Variants in RBFOX1 observed in about 807,000 individuals in gnomAD.
RBFOX1 encodes the protein RNA binding fox-1 homolog 1, also known as RNA binding protein fox-1 homolog 1.
Under a neutral mutation model 57.7 loss-of-function variants are expected in RBFOX1, and 8 were observed. The observed-to-expected ratio is 0.14, with a 90% CI of 0.08 to 0.25. The LOEUF (loss-of-function observed/expected upper bound fraction) is 0.25, where lower values mean the gene tolerates loss of function less well. Among genes scored for constraint, RBFOX1 ranks in the 10% least tolerant of loss-of-function variants. The probability of loss-of-function intolerance (pLI) is 1.00; values close to 1 mark genes in which losing one functional copy is unlikely to be tolerated. For missense variants in RBFOX1, 611 were observed against 548.5 expected (o/e 1.11, Z -1.14); for synonymous variants, 326 against 222.4 (o/e 1.47, Z -4.15).
intron 3 of RBFOX1, among the ~76,000 whole-genome samples, chr16:5,683,846 T>C (rs1003704652): frequency 6.7e-6 from 1 of 149,796 alleles, no homozygotes; most frequent in Non-Finnish European, 1.5e-5. Context: ...ATGTAAATTA[T>C]GTATTACATA....
At chr16:5,961,127 C>G (rs1449421852) in intron 4 of RBFOX1, among the ~76,000 whole-genome samples, 1 of 152,106 alleles carries the variant, frequency 6.6e-6, no homozygotes, top group Non-Finnish European at 1.5e-5. Flanking sequence ...CAGAAATATC[C>G]ATTCCCTTCT....
chr16:7,161,933 G>A (rs1477860646), intron 4 of RBFOX1, among the ~76,000 whole-genome samples: 3 of 152,202 alleles, frequency 2.0e-5, no homozygotes, highest in Non-Finnish European at 2.9e-5. Context: ...AGGTTTTGGG[G>A]TTACCCAAGT....
At chr16:7,694,230 A>G (rs546188003) in intron 14 of RBFOX1, among the ~76,000 whole-genome samples, 1 of 152,340 alleles carries the variant, frequency 6.6e-6, no homozygotes, top group Admixed American at 6.5e-5. Flanking sequence ...GTTACAACTT[A>G]TCACTACATA....
intron 1 of RBFOX1, among the ~76,000 whole-genome samples, chr16:6,282,108 C>T (rs2076439660): frequency 6.6e-6 from 1 of 152,112 alleles, no homozygotes; most frequent in East Asian, 1.9e-4. Context: ...AAAGGTATCA[C>T]CTCTAAGTTT....
At chr16:6,909,373 T>A (rs1192643499) in intron 3 of RBFOX1, among the ~76,000 whole-genome samples, 1 of 152,216 alleles carries the variant, frequency 6.6e-6, no homozygotes, top group Non-Finnish European at 1.5e-5. Context: ...ACCTGGATAA[T>A]CCTGGCAACT....
At chr16:5,305,962 C>G (rs187203144) in intron 1 of RBFOX1, among the ~76,000 whole-genome samples, 1 of 152,172 alleles carries the variant, frequency 6.6e-6, no homozygotes, top group Non-Finnish European at 1.5e-5. Context: ...AGGCCGGAGG[C>G]AGCAGGATTG....
rs547154397 is a variant in RBFOX1 at position 7,213,538 on chromosome 16, C to T, written c.27+161440C>T. ...GTGGTGCATGGCTTTTCCTAATTCT[C>T]AAAGGGATCCTCTAATGCCAAAAAA... is the stretch of plus-strand genomic sequence containing the variant. On this transcript the variant is annotated intron_variant, in intron 4 of 15. Transcript: ENST00000550418. Among the ~76,000 whole-genome samples, 37 of 144,692 alleles carry T rather than the reference C, an allele frequency of 2.6e-4. 1 individual carries two copies. In the South Asian group the frequency reaches 8.1e-3, roughly 32 times the overall value. The allele number at this position is 144,692 out of a possible 152,430, so 94.9% of individuals were successfully genotyped here.
At chr16:7,595,692 C>T in intron 8 of RBFOX1, 51 bp downstream of exon 8, 9 of 1,463,810 alleles carry the variant, frequency 6.1e-6, no homozygotes, top group Non-Finnish European at 6.5e-6. Flanking sequence ...ATGTCTGCTT[C>T]ACGCTCATTC....
At chr16:5,632,194 A>G (rs1041790654) in intron 3 of RBFOX1, among the ~76,000 whole-genome samples, 1 of 152,222 alleles carries the variant, frequency 6.6e-6, no homozygotes, top group Non-Finnish European at 1.5e-5. Flanking sequence ...TCAGTATACT[A>G]AAAATAATTA....
At chr16:7,395,479 C>T (rs528057716) in intron 4 of RBFOX1, among the ~76,000 whole-genome samples, 1 of 152,312 alleles carries the variant, frequency 6.6e-6, no homozygotes. Context: ...GCAGTAAGAA[C>T]ATTTTGGGCA....
chr16:7,611,959 T>G (rs2057554629), intron 10 of RBFOX1, among the ~76,000 whole-genome samples: 1 of 152,140 alleles, frequency 6.6e-6, no homozygotes, highest in African/African-American at 2.4e-5. Flanking sequence ...TAGTTTTCTA[T>G]AAAGCAAAAA....
At chr16:7,184,643 C>T (rs556093302) in intron 4 of RBFOX1, among the ~76,000 whole-genome samples, 3 of 151,644 alleles carry the variant, frequency 2.0e-5, no homozygotes, top group African/African-American at 2.4e-5. Flanking sequence ...GTATACCATG[C>T]TTGATCACAT....
intron 3 of RBFOX1, among the ~76,000 whole-genome samples, chr16:6,892,812 C>G (rs967338311): frequency 9.8e-6 from 1 of 101,718 alleles, no homozygotes. Flanking sequence ...CTCTCTCTCT[C>G]TCTCTCTCTC....
intron 4 of RBFOX1, among the ~76,000 whole-genome samples, chr16:7,405,364 T>C (rs2098322903): frequency 6.6e-6 from 1 of 152,206 alleles, no homozygotes; most frequent in Non-Finnish European, 1.5e-5. Context: ...GATGCAGCAG[T>C]TCACTCCAAG....
intron 2 of RBFOX1, among the ~76,000 whole-genome samples, chr16:6,637,573 G>GTATATATAGAATAGTC (rs1555636927): frequency 7.5e-6 from 1 of 134,110 alleles, no homozygotes; most frequent in Non-Finnish European, 1.5e-5. Flanking sequence ...ATTCTATATA[G>GTATATATAGAATAGTC]TATATATATA....
chr16:7,389,823 A>G (rs745665728), intron 4 of RBFOX1, among the ~76,000 whole-genome samples: 2 of 152,160 alleles, frequency 1.3e-5, no homozygotes, highest in Non-Finnish European at 2.9e-5. Context: ...CTTGATATGC[A>G]TACAATCTTT....
In RBFOX1 at chr16:7,681,091, T is replaced by A. The variant is rs948645367; in HGVS notation, c.995+4253T>A. On this transcript the variant is annotated intron_variant, in intron 14 of 15. Transcript: ENST00000550418. ...AAAGGTTCTATTTCAGAGACAGATT[T>A]GTGTTTCTTAGAACCTAGTAAGGAT... Among the ~76,000 whole-genome samples the A allele has an allele frequency of 2.6e-5, 4 of 152,294 alleles. No homozygotes were observed. In the South Asian group the frequency reaches 6.2e-4, roughly 24 times the overall value.
intron 4 of RBFOX1, among the ~76,000 whole-genome samples, chr16:7,150,662 T>G (rs1443588541): frequency 2.0e-5 from 3 of 152,232 alleles, no homozygotes; most frequent in South Asian, 2.1e-4. Context: ...GAAGAATTAT[T>G]GAAAAGTAAA....
At chr16:7,509,582 C>T (rs936601821) in intron 4 of RBFOX1, among the ~76,000 whole-genome samples, 2 of 152,138 alleles carry the variant, frequency 1.3e-5, no homozygotes, top group African/African-American at 4.8e-5. Flanking sequence ...GATTACACAG[C>T]CAGTCTGCAA....
Sources: gnomAD v4.1 joint callset for allele counts (sites outside exome capture counted in the v4.1 genomes callset) on GRCh38, gnomAD v4.1.1 for gene constraint, MANE v1.5 for transcripts, NCBI Gene and HGNC (gene_info 2026-07-23, HGNC 2026-07-21) for gene names.